Variants in ZFHX3 observed in about 807,000 individuals in gnomAD.
ZFHX3 encodes the protein zinc finger homeobox protein 3.
A neutral mutation model predicts 279.1 loss-of-function variants in ZFHX3; 42 were observed. That is an observed-to-expected ratio of 0.15 (90% confidence interval 0.12 to 0.19). ZFHX3 has a LOEUF of 0.19. ZFHX3 is among the 10% of genes least tolerant of loss of function. The pLI, the probability that ZFHX3 is intolerant of heterozygous loss-of-function variation, is 1.00. For missense variants in ZFHX3, 4,981 were observed against 4,754.0 expected (o/e 1.05, Z -1.40); for synonymous variants, 2,293 against 1,957.8 (o/e 1.17, Z -4.52).
intron 2 of ZFHX3, among the ~76,000 whole-genome samples, chr16:73,655,067 G>C (rs950277651): frequency 6.6e-6 from 1 of 151,964 alleles, no homozygotes; most frequent in African/African-American, 2.4e-5. Context: ...TGCCATGTTG[G>C]CCAGGCTGGT....
chr16:73,356,420 G>A (rs746470614), intron 3 of ZFHX3, among the ~76,000 whole-genome samples: 1 of 151,970 alleles, frequency 6.6e-6, no homozygotes, highest in Non-Finnish European at 1.5e-5. Flanking sequence ...AGAGCAAGAC[G>A]GTGATGTTGG....
intron 1 of ZFHX3, among the ~76,000 whole-genome samples, chr16:73,016,277 G>A (rs1292155707): frequency 6.6e-6 from 1 of 152,120 alleles, no homozygotes; most frequent in East Asian, 1.9e-4. Flanking sequence ...CATGAATTGT[G>A]TTTTGGTTTT....
At chr16:73,610,643 A>C (rs1333735310) in intron 2 of ZFHX3, among the ~76,000 whole-genome samples, 1 of 152,210 alleles carries the variant, frequency 6.6e-6, no homozygotes, top group Non-Finnish European at 1.5e-5. Flanking sequence ...AATGTTCCTG[A>C]GTTTAGAGTA....
intron 4 of ZFHX3, among the ~76,000 whole-genome samples, chr16:73,271,425 A>G (rs947733980): frequency 6.6e-6 from 1 of 152,180 alleles, no homozygotes; most frequent in Non-Finnish European, 1.5e-5. Flanking sequence ...GTGAAAGCCC[A>G]GGCTGCTCCG....
At chr16:72,984,699 T>C (rs1962769502) in intron 1 of ZFHX3, among the ~76,000 whole-genome samples, 1 of 151,868 alleles carries the variant, frequency 6.6e-6, no homozygotes, top group South Asian at 2.1e-4. Flanking sequence ...TCAATGTCCC[T>C]TAGGTTGAAC....
intron 2 of ZFHX3, among the ~76,000 whole-genome samples, chr16:73,479,169 G>A (rs1038547524): frequency 6.6e-6 from 1 of 152,172 alleles, no homozygotes; most frequent in Admixed American, 6.5e-5. Context: ...ACATGAGCTT[G>A]AAGATGGAAG....
chr16:73,776,164 C>T lies in ZFHX3; in HGVS notation c.-1607-95924G>A, dbSNP rs1234163395. Among the ~76,000 whole-genome samples, 4 of 152,114 alleles carry T rather than the reference C, an allele frequency of 2.6e-5. No homozygotes were observed. In the South Asian group the frequency reaches 8.3e-4, roughly 32 times the overall value. ...GCTTTCATTTTTTCATGTTGCAAAT[C>T]GCGTTGTGCTTCCTCCACGTCCTCC... On this transcript the variant is annotated intron_variant, in intron 1 of 17. Transcript: ENST00000641206.
At chr16:73,145,436 G>A (rs1055914140) in intron 5 of ZFHX3, among the ~76,000 whole-genome samples, 5 of 152,220 alleles carry the variant, frequency 3.3e-5, no homozygotes, top group African/African-American at 1.2e-4. Context: ...AGCCTCCTGC[G>A]GAGGACCTTA....
chr16:73,779,526 C>G (rs1959379522), intron 1 of ZFHX3, among the ~76,000 whole-genome samples: 1 of 152,106 alleles, frequency 6.6e-6, no homozygotes, highest in Non-Finnish European at 1.5e-5. Context: ...CTCATTTACC[C>G]TGCCGTGTCT....
intron 1 of ZFHX3, among the ~76,000 whole-genome samples, chr16:73,735,341 C>G (rs2053600318): frequency 6.7e-6 from 1 of 148,360 alleles, no homozygotes; most frequent in Admixed American, 6.7e-5. Flanking sequence ...AACTAAAAAT[C>G]TCCAACGGAA....
At chr16:72,790,758 T>C (rs1180160285) in intron 9 of ZFHX3, 1 of 152,208 alleles carries the variant, frequency 6.6e-6, no homozygotes, top group Non-Finnish European at 1.5e-5. Context: ...TTATGAGTTC[T>C]AAACTTGGGA....
chr16:73,687,510 A>G (rs1007521236), intron 1 of ZFHX3, among the ~76,000 whole-genome samples: 2 of 152,138 alleles, frequency 1.3e-5, no homozygotes, highest in African/African-American at 4.8e-5. Context: ...GTTGGTGTAC[A>G]TCAGAAAGGG....
At chr16:73,853,630 G>C (rs1031939694) in intron 1 of ZFHX3, among the ~76,000 whole-genome samples, 3 of 151,958 alleles carry the variant, frequency 2.0e-5, no homozygotes, top group African/African-American at 7.3e-5. Flanking sequence ...CTAAACAATA[G>C]GTACAATGAA....
intron 2 of ZFHX3, among the ~76,000 whole-genome samples, chr16:73,472,724 G>T (rs2018690840): frequency 6.6e-6 from 1 of 152,118 alleles, no homozygotes; most frequent in Non-Finnish European, 1.5e-5. Context: ...AGCGATCAGG[G>T]GATTGGTTAG....
At chr16:73,057,093 G>C (rs139929335) in intron 1 of ZFHX3, among the ~76,000 whole-genome samples, 139 of 152,234 alleles carry the variant, frequency 9.1e-4, no homozygotes, top group African/African-American at 2.7e-3. Context: ...AGCATGCTCC[G>C]TCCATACAGT....
rs142429728 is a variant in ZFHX3 at position 72,988,560 on chromosome 16, C to T, written c.-49-28366G>A. 1.5e-4 allele frequency among the ~76,000 whole-genome samples: 23 copies of T among 152,306 alleles called. No individual in the cohort carries two copies. In the East Asian group the frequency reaches 2.3e-3, roughly 15 times the overall value. On this transcript the variant is annotated intron_variant, in intron 1 of 9. Coordinates refer to ENST00000268489, the MANE Select transcript of ZFHX3 (RefSeq NM_006885.4). ...CTAAATCACTTCTTTTCAAATAACG[C>T]GGATTTCTGGATTCATTTCCAAGTG...
chr16:73,858,106 A>AAAAAAG (rs1555505344), intron 1 of ZFHX3, among the ~76,000 whole-genome samples: 1 of 151,796 alleles, frequency 6.6e-6, no homozygotes, highest in African/African-American at 2.4e-5. Flanking sequence ...AAAAAAAAAA[A>AAAAAAG]AAGAAGAAGA....
intron 3 of ZFHX3, among the ~76,000 whole-genome samples, chr16:73,348,075 C>T (rs1197848287): frequency 7.9e-5 from 12 of 152,182 alleles, no homozygotes; most frequent in Admixed American, 7.9e-4. Flanking sequence ...GCTTCATTCT[C>T]ACTATAAACA....
At chr16:73,536,788 A>G (rs2019909519) in intron 2 of ZFHX3, among the ~76,000 whole-genome samples, 1 of 152,146 alleles carries the variant, frequency 6.6e-6, no homozygotes, top group Non-Finnish European at 1.5e-5. Context: ...TCAGAGGACT[A>G]TGTTTCCAGG....
Sources: gnomAD v4.1 joint callset for allele counts (sites outside exome capture counted in the v4.1 genomes callset) on GRCh38, gnomAD v4.1.1 for gene constraint, MANE v1.5 for transcripts, NCBI Gene and HGNC (gene_info 2026-07-23, HGNC 2026-07-21) for gene names.